LCLAT1: variants seen among roughly 807,000 people sequenced by gnomAD.
LCLAT1 encodes lysocardiolipin acyltransferase 1.
In LCLAT1, 11 loss-of-function variants were observed where a neutral mutation model predicts 30.7. The observed-to-expected ratio is 0.36, with a 90% CI of 0.23 to 0.59. The LOEUF is 0.59. LCLAT1 is among the 20% of genes least tolerant of loss of function. The pLI is 0.77. For synonymous variants in LCLAT1, 155 were observed against 151.3 expected (o/e 1.02, Z -0.18); for missense variants, 402 against 458.6 (o/e 0.88, Z 1.13).
chr2:30,623,630 A>G (rs997087050), intron 5 of LCLAT1, among the ~76,000 whole-genome samples: 1 of 152,192 alleles, frequency 6.6e-6, no homozygotes, highest in Non-Finnish European at 1.5e-5. Flanking sequence ...TTAAACAACA[A>G]AACCTAAGAA....
chr2:30,448,939 A>G (rs934484328), intron 1 of LCLAT1, among the ~76,000 whole-genome samples: 10 of 152,258 alleles, frequency 6.6e-5, no homozygotes, highest in Admixed American at 2.0e-4. Context: ...AGGGCTTTAA[A>G]AAGTTAAAAA....
intron 3 of LCLAT1, among the ~76,000 whole-genome samples, chr2:30,557,115 T>C (rs185022252): frequency 2.2e-4 from 33 of 152,348 alleles, no homozygotes; most frequent in Middle Eastern, 3.4e-3. Flanking sequence ...TAACTCATTG[T>C]ATTTCACAAA....
At chr2:30,467,553 A>G (rs1363870589) in intron 1 of LCLAT1, among the ~76,000 whole-genome samples, 1 of 152,238 alleles carries the variant, frequency 6.6e-6, no homozygotes, top group Non-Finnish European at 1.5e-5. Flanking sequence ...CAGTCCCACC[A>G]GCAGTGTAAA....
chr2:30,487,270 C>T (rs1381786375), intron 1 of LCLAT1, among the ~76,000 whole-genome samples: 1 of 152,204 alleles, frequency 6.6e-6, no homozygotes, highest in African/African-American at 2.4e-5. Flanking sequence ...AGCATAGATA[C>T]TGGAGTCTGC....
chr2:30,612,719 A>G (rs369836681), intron 5 of LCLAT1, among the ~76,000 whole-genome samples: 42 of 152,076 alleles, frequency 2.8e-4, no homozygotes, highest in African/African-American at 1.0e-3. Flanking sequence ...AATCACAATT[A>G]CTTTCCAGCG....
chr2:30,484,953 A>G (rs983317755), intron 1 of LCLAT1, among the ~76,000 whole-genome samples: 3 of 151,864 alleles, frequency 2.0e-5, no homozygotes, highest in African/African-American at 4.8e-5. Context: ...GGTATGGTAT[A>G]TGTGTGTTAA....
At chr2:30,491,375 G>A (rs183587589) in intron 1 of LCLAT1, among the ~76,000 whole-genome samples, 1 of 152,262 alleles carries the variant, frequency 6.6e-6, no homozygotes, top group Admixed American at 6.5e-5. Context: ...TTATCCTAAG[G>A]TAGGTACTGT....
In LCLAT1 at chr2:30,481,361, A is replaced by G. The variant is rs563717219; in HGVS notation, c.-5+33978A>G. On this transcript the variant is annotated intron_variant, in intron 1 of 5. Coordinates refer to ENST00000379509, the MANE Select transcript of LCLAT1 (RefSeq NM_001002257.3). ...GTGTTGGAGATATTTTGGTAATATC[A>G]GCATAAAGATAGCACAAAGGAAGAG... 2.0e-5 allele frequency among the ~76,000 whole-genome samples: 3 copies of G among 152,212 alleles called. No individual in the cohort carries two copies. The South Asian group carries it at 6.2e-4, about 32-fold the overall frequency.
At chr2:30,578,942 G>T (rs930523061) in intron 5 of LCLAT1, among the ~76,000 whole-genome samples, 4 of 152,050 alleles carry the variant, frequency 2.6e-5, no homozygotes, top group African/African-American at 9.7e-5. Flanking sequence ...TTTTAGTTAT[G>T]GAAATTATTA....
intron 5 of LCLAT1, among the ~76,000 whole-genome samples, chr2:30,594,544 C>G (rs936498797): frequency 6.6e-6 from 1 of 152,156 alleles, no homozygotes; most frequent in Non-Finnish European, 1.5e-5. Flanking sequence ...CTCTGCGTGA[C>G]TAAGATTCCT....
chr2:30,530,220 C>T (rs1040729053), intron 2 of LCLAT1, among the ~76,000 whole-genome samples: 5 of 152,178 alleles, frequency 3.3e-5, no homozygotes, highest in Non-Finnish European at 5.9e-5. Flanking sequence ...ACTATTATCT[C>T]CTATACTAGC....
At chr2:30,634,792 C>T (rs576904146) in intron 5 of LCLAT1, among the ~76,000 whole-genome samples, 9 of 152,108 alleles carry the variant, frequency 5.9e-5, no homozygotes, top group Non-Finnish European at 1.2e-4. Context: ...GTATTTTAGC[C>T]CAGTTATAAA....
intron 1 of LCLAT1, among the ~76,000 whole-genome samples, chr2:30,489,777 G>A (rs950120196): frequency 6.6e-6 from 1 of 152,188 alleles, no homozygotes; most frequent in African/African-American, 2.4e-5. Context: ...AGTGCCCTGT[G>A]GCCCCACCCC....
intron 5 of LCLAT1, among the ~76,000 whole-genome samples, chr2:30,612,859 A>G (rs1050335312): frequency 2.6e-5 from 4 of 152,164 alleles, no homozygotes; most frequent in Admixed American, 6.6e-5. Context: ...TTCAATTTAT[A>G]TATTTCCTGA....
intron 1 of LCLAT1, among the ~76,000 whole-genome samples, chr2:30,523,171 G>C (rs1276331365): frequency 1.3e-5 from 2 of 151,770 alleles, no homozygotes; most frequent in Non-Finnish European, 2.9e-5. Flanking sequence ...GTAGTTACAG[G>C]GTTTCAAACA....
chr2:30,505,895 G>C lies in LCLAT1; in HGVS notation c.-4-19692G>C, dbSNP rs74457175. Among the ~76,000 whole-genome samples, 1,483 of 152,226 alleles carry C rather than the reference G, an allele frequency of 9.7e-3. 24 individuals carry two copies. Among genetic ancestry groups the C allele is most frequent in the African/African-American group, 0.034 (1,393 of 41,544 alleles). On this transcript the variant is annotated intron_variant, in intron 1 of 5. Transcript: ENST00000379509. ...CACTAAACCTTTCAGTAAACCTCAA[G>C]AGGTAAGTAATAAGAGATAAGTTGT...
At chr2:30,499,126 CT>C (rs1482578333) in intron 1 of LCLAT1, among the ~76,000 whole-genome samples, 14 of 152,196 alleles carry the variant, frequency 9.2e-5, no homozygotes, top group African/African-American at 2.9e-4. Context: ...AGGAGAGGTC[CT>C]GATAGAGGTG....
chr2:30,620,729 C>G (rs949618409), intron 5 of LCLAT1, among the ~76,000 whole-genome samples: 1 of 152,140 alleles, frequency 6.6e-6, no homozygotes, highest in African/African-American at 2.4e-5. Flanking sequence ...TATTAGTTTT[C>G]TAGACTGCCA....
intron 5 of LCLAT1, among the ~76,000 whole-genome samples, chr2:30,608,381 T>A (rs547822314): frequency 7.9e-5 from 12 of 152,122 alleles, no homozygotes; most frequent in South Asian, 4.2e-4. Flanking sequence ...GAAAGTTTTT[T>A]AATAAATTTA....
Sources: gnomAD v4.1 joint callset for allele counts (sites outside exome capture counted in the v4.1 genomes callset) on GRCh38, gnomAD v4.1.1 for gene constraint, MANE v1.5 for transcripts, NCBI Gene and HGNC (gene_info 2026-07-23, HGNC 2026-07-21) for gene names.